SORCS3: variants seen among roughly 807,000 people sequenced by gnomAD.
SORCS3 encodes the protein sortilin related VPS10 domain containing receptor 3.
Under a neutral mutation model 146.3 loss-of-function variants are expected in SORCS3, and 57 were observed. The ratio of observed to expected loss-of-function variants is 0.39; its 90% CI spans 0.31 to 0.49. The LOEUF is 0.49. Among genes scored for constraint, SORCS3 ranks in the 20% least tolerant of loss-of-function variants. The pLI is 0.92. For synonymous variants in SORCS3, 653 were observed against 618.5 expected (o/e 1.06, Z -0.83); for missense variants, 1,341 against 1,575.5 (o/e 0.85, Z 2.52).
intron 1 of SORCS3, among the ~76,000 whole-genome samples, chr10:104,653,220 A>G (rs369704781): frequency 5.3e-5 from 8 of 152,312 alleles, no homozygotes; most frequent in African/African-American, 1.7e-4. Flanking sequence ...TAAATTGCTT[A>G]CAGAGAACTC....
intron 20 of SORCS3, among the ~76,000 whole-genome samples, chr10:105,237,694 T>A (rs928877334): frequency 6.6e-6 from 1 of 152,162 alleles, no homozygotes; most frequent in Non-Finnish European, 1.5e-5. Context: ...GCTGTTTGGT[T>A]CCCTTTGACC....
intron 14 of SORCS3, among the ~76,000 whole-genome samples, chr10:105,194,001 A>G (rs2056531195): frequency 6.6e-6 from 1 of 152,184 alleles, no homozygotes; most frequent in African/African-American, 2.4e-5. Flanking sequence ...GGTAAAAGGA[A>G]AGAGAAAAAT....
intron 6 of SORCS3, among the ~76,000 whole-genome samples, chr10:105,104,353 C>A (rs1345673312): frequency 6.6e-6 from 1 of 152,062 alleles, no homozygotes; most frequent in African/African-American, 2.4e-5. Flanking sequence ...CAGAGACTCA[C>A]CTGTAGTTTT....
At chr10:105,056,395 CTG>C (rs2055446160) in intron 5 of SORCS3, among the ~76,000 whole-genome samples, 15 of 152,046 alleles carry the variant, frequency 9.9e-5, no homozygotes, top group Admixed American at 9.8e-4. Context: ...CCCAGCAACT[CTG>C]TTAGGAAAAA....
chr10:104,777,683 G>T (rs1489851018), intron 1 of SORCS3, among the ~76,000 whole-genome samples: 5 of 152,142 alleles, frequency 3.3e-5, no homozygotes, highest in Non-Finnish European at 7.4e-5. Context: ...TCACAACAAA[G>T]TTATCAGCCC....
intron 2 of SORCS3, among the ~76,000 whole-genome samples, chr10:104,911,619 C>T (rs1195007878): frequency 6.6e-6 from 1 of 152,132 alleles, no homozygotes; most frequent in African/African-American, 2.4e-5. Context: ...TGGAAAACAA[C>T]TTAGCATTGT....
chr10:104,749,474 TAAA>T (rs1415372675), intron 1 of SORCS3, among the ~76,000 whole-genome samples: 1 of 152,170 alleles, frequency 6.6e-6, no homozygotes, highest in East Asian at 1.9e-4. Context: ...GTGTTCAATA[TAAA>T]GGGTGGATTT....
chr10:104,863,125 G>C (rs1490735271), intron 2 of SORCS3, among the ~76,000 whole-genome samples: 1 of 152,188 alleles, frequency 6.6e-6, no homozygotes, highest in African/African-American at 2.4e-5. Context: ...GAGACATACA[G>C]GTGGATTTGG....
At chr10:105,107,664 C>A (rs2055831843) in intron 7 of SORCS3, among the ~76,000 whole-genome samples, 1 of 152,010 alleles carries the variant, frequency 6.6e-6, no homozygotes, top group South Asian at 2.1e-4. Flanking sequence ...ATGTGAGGTC[C>A]CCTGTTCTAG....
chr10:105,166,536 GTGCTTAGAAAA>G (rs2056314912), intron 12 of SORCS3, among the ~76,000 whole-genome samples: 5 of 152,284 alleles, frequency 3.3e-5, no homozygotes, highest in Admixed American at 2.0e-4. Context: ...ATTGAAGTCA[GTGCTTAGAAAA>G]TGCCTATGGG....
intron 3 of SORCS3, among the ~76,000 whole-genome samples, chr10:104,922,043 T>C (rs7904927): frequency 0.11 from 17,048 of 152,264 alleles, 1,504 homozygotes; most frequent in African/African-American, 0.25. Flanking sequence ...GCTGCTTTTG[T>C]CAAGCTGTTC....
At chr10:104,781,317 T>G (rs981769725) in intron 1 of SORCS3, among the ~76,000 whole-genome samples, 2 of 152,252 alleles carry the variant, frequency 1.3e-5, no homozygotes, top group Non-Finnish European at 2.9e-5. Context: ...GGCCAGGACT[T>G]GTCCCACCCC....
At chr10:104,881,526 A>G (rs527709114) in intron 2 of SORCS3, among the ~76,000 whole-genome samples, 73 of 152,340 alleles carry the variant, frequency 4.8e-4, no homozygotes, top group Non-Finnish European at 8.1e-4. Flanking sequence ...TACAACATGC[A>G]CAGGGTCTGT....
At chr10:104,977,893 A>G (rs1465636707) in intron 4 of SORCS3, among the ~76,000 whole-genome samples, 1 of 151,484 alleles carries the variant, frequency 6.6e-6, no homozygotes, top group African/African-American at 2.4e-5. Context: ...CGCCATGCCC[A>G]GCTAATTTTT....
At chr10:105,207,415 G>A (rs1308856422) in intron 16 of SORCS3, among the ~76,000 whole-genome samples, 2 of 152,066 alleles carry the variant, frequency 1.3e-5, no homozygotes, top group African/African-American at 4.8e-5. Flanking sequence ...TTCTAAAGCT[G>A]TTATAGTTGA....
chr10:104,948,199 C>T (rs943863206), intron 3 of SORCS3, among the ~76,000 whole-genome samples: 4 of 152,108 alleles, frequency 2.6e-5, no homozygotes, highest in Admixed American at 6.5e-5. Context: ...CTGAGCCCTG[C>T]TTATTTCCTA....
At chr10:104,752,388 G>A (rs2016999162) in intron 1 of SORCS3, among the ~76,000 whole-genome samples, 1 of 152,094 alleles carries the variant, frequency 6.6e-6, no homozygotes, top group Non-Finnish European at 1.5e-5. Flanking sequence ...TTGGAGCATG[G>A]GACACTGCTT....
intron 17 of SORCS3, among the ~76,000 whole-genome samples, chr10:105,212,577 T>G (rs10884118): frequency 0.34 from 51,314 of 151,960 alleles, 8,814 homozygotes; most frequent in South Asian, 0.49. Context: ...AGCAACTTAG[T>G]TATGCCAAAA....
At chr10:105,052,906 G>C (rs2055422745) in intron 5 of SORCS3, among the ~76,000 whole-genome samples, 1 of 152,108 alleles carries the variant, frequency 6.6e-6, no homozygotes, top group South Asian at 2.1e-4. Flanking sequence ...TTTGGTCTGG[G>C]GCTGTGCATT....
Sources: gnomAD v4.1 joint callset for allele counts (sites outside exome capture counted in the v4.1 genomes callset) on GRCh38, gnomAD v4.1.1 for gene constraint, MANE v1.5 for transcripts, NCBI Gene and HGNC (gene_info 2026-07-23, HGNC 2026-07-21) for gene names.